The following GRB14 variants were observed in gnomAD, a reference collection of about 807,000 sequenced individuals.
GRB14 encodes growth factor receptor-bound protein 14.
GRB14 carries 38 observed loss-of-function variants against 69.1 expected under a neutral mutation model. That is an observed-to-expected ratio of 0.55 (90% CI 0.42 to 0.72). The LOEUF is 0.72. Among genes scored for constraint, GRB14 ranks in the 30% least tolerant of loss-of-function variants. The pLI is 0.00. For synonymous variants in GRB14, 247 were observed against 241.3 expected, an observed-to-expected ratio of 1.02 and a Z score of -0.22; for missense variants, 666 against 666.1, an observed-to-expected ratio of 1.00 and a Z score of 0.00.
In GRB14 at chr2:164,497,365, T is replaced by C. The variant is rs776021026; in HGVS notation, c.1221+9A>G. ...ATAAATATTTTGAAGCATGTGAAGC[T>C]ACTTGTACCCTCCAAGCGAGTCCTT... On this transcript the variant is annotated intron_variant, in intron 10 of 13. Transcript: ENST00000263915. The C allele has an allele frequency of 1.2e-6, 2 of 1,607,480 alleles. No homozygotes were observed. The highest frequency in any genetic ancestry group is 2.2e-5 in the South Asian group (2 of 90,566).
intron 2 of GRB14, among the ~76,000 whole-genome samples, chr2:164,585,825 T>A (rs1238293516): frequency 1.3e-5 from 2 of 152,172 alleles, no homozygotes; most frequent in African/African-American, 4.8e-5. Flanking sequence ...CAGCTCTTTT[T>A]AAAAACAAAA....
At chr2:164,610,385 TA>T (rs1231777874) in intron 2 of GRB14, among the ~76,000 whole-genome samples, 1 of 152,040 alleles carries the variant, frequency 6.6e-6, no homozygotes, top group Non-Finnish European at 1.5e-5. Flanking sequence ...TTATACTATA[TA>T]AAAAATAATG....
intron 2 of GRB14, among the ~76,000 whole-genome samples, chr2:164,567,870 G>A (rs1233041589): frequency 6.6e-6 from 1 of 152,080 alleles, no homozygotes; most frequent in Non-Finnish European, 1.5e-5. Context: ...TGTTTAAACA[G>A]TAAAATAATT....
intron 13 of GRB14, 64 bp from the exon 14 acceptor site, chr2:164,493,246 G>A (rs954151915): frequency 3.1e-5 from 45 of 1,457,346 alleles, no homozygotes; most frequent in African/African-American, 5.7e-5. Context: ...AATCATATTC[G>A]ATTGCAAACT....
intron 2 of GRB14, chr2:164,574,157 T>C (rs1230900986): frequency 8.0e-6 from 5 of 628,766 alleles, no homozygotes; most frequent in African/African-American, 1.8e-5. Context: ...GTCTTTACAG[T>C]TGATGAGCTG....
At chr2:164,503,572 A>G (rs1284202154) in intron 8 of GRB14, among the ~76,000 whole-genome samples, 1 of 151,474 alleles carries the variant, frequency 6.6e-6, no homozygotes, top group East Asian at 2.0e-4. Flanking sequence ...TTGACTTCTT[A>G]TCCAATTATT....
At position 164,619,703 on chromosome 2, in the gene GRB14, T is replaced by A. The variant is rs555942604; in HGVS notation, c.308A>T (p.Asn103Ile). 8 of 1,578,272 alleles carry A rather than the reference T, an allele frequency of 5.1e-6. No individual in the cohort carries two copies. In the African/African-American group the frequency reaches 1.1e-4, roughly 22 times the overall value. Residue 103 changes from asparagine (N) to isoleucine (I), a missense_variant, in exon 2 of 14, where the codon AAT (asparagine) becomes ATT (isoleucine). Transcript: ENST00000263915. ...AATGCATACCTGTTTTTTCCTTGAA[T>A]TTGCTTTGGGAAATAGGTCTGCTGA... ...VLSADLFPKA[N>I]SRKKQVIKVY...
chr2:164,533,456 G>A (rs573373802), intron 3 of GRB14, among the ~76,000 whole-genome samples: 1 of 151,872 alleles, frequency 6.6e-6, no homozygotes, highest in East Asian at 1.9e-4. Context: ...TCTTGACCTC[G>A]TGATCCGCCC....
At chr2:164,514,063 G>A (rs923752088) in intron 6 of GRB14, among the ~76,000 whole-genome samples, 13 of 152,142 alleles carry the variant, frequency 8.5e-5, no homozygotes, top group African/African-American at 3.1e-4. Context: ...CCATTATATA[G>A]GTAAACATAT....
chr2:164,621,279 C>T lies in GRB14; in HGVS notation c.31G>A (p.Ala11Thr). 7.8e-7 allele frequency: 1 copy of T among 1,284,906 alleles called. No individual in the cohort carries two copies. The highest frequency in any genetic ancestry group is 3.4e-5 in the South Asian group (1 of 29,844). The allele number at this position is 1,284,906 out of a possible 1,614,324, so 79.6% of individuals were successfully genotyped here. The change falls in exon 1 of 14, where the codon GCC (alanine) becomes ACC (threonine). Residue 11 changes from alanine to threonine, a missense_variant. Coordinates refer to ENST00000263915, the MANE Select transcript of GRB14 (RefSeq NM_004490.3). The surrounding 1 kb of genome is among the most constrained non-coding windows in gnomAD (Gnocchi z 6.0). MTTSLQDGQS[A>T]ASRAAARDSP... The stretch of plus-strand genomic sequence containing the variant: ...TCCCGGGCAGCCGCCCTGCTCGCGG[C>T]GCTCTGCCCATCTTGCAGGGAAGTG...
At chr2:164,505,635 TTTTATA>T (rs1185918666) in intron 8 of GRB14, among the ~76,000 whole-genome samples, 3 of 152,192 alleles carry the variant, frequency 2.0e-5, no homozygotes, top group Admixed American at 6.5e-5. Flanking sequence ...ATATATTTTA[TTTTATA>T]TTTATGTGTG....
intron 3 of GRB14, among the ~76,000 whole-genome samples, chr2:164,541,468 G>A (rs540632185): frequency 8.2e-4 from 124 of 151,308 alleles, no homozygotes; most frequent in African/African-American, 2.4e-3. Context: ...GTGAAACTCC[G>A]TCTCCAAAAA....
intron 2 of GRB14, chr2:164,573,866 A>G: frequency 6.2e-7 from 1 of 1,613,076 alleles, no homozygotes; most frequent in African/African-American, 1.3e-5. Context: ...TTTGATTAGA[A>G]ATGCAAGACT....
At chr2:164,503,603 T>A (rs781750440) in intron 8 of GRB14, among the ~76,000 whole-genome samples, 3 of 152,216 alleles carry the variant, frequency 2.0e-5, no homozygotes, top group Non-Finnish European at 4.4e-5. Flanking sequence ...TAAAAATTAT[T>A]TTTTAATTTA....
intron 3 of GRB14, among the ~76,000 whole-genome samples, chr2:164,534,692 A>T (rs1432882574): frequency 1.3e-5 from 2 of 152,160 alleles, no homozygotes; most frequent in Non-Finnish European, 2.9e-5. Flanking sequence ...GCAAATTTTA[A>T]CCAAGTAAGT....
intron 2 of GRB14, among the ~76,000 whole-genome samples, chr2:164,551,422 T>G (rs1688534928): frequency 6.6e-6 from 1 of 152,120 alleles, no homozygotes; most frequent in African/African-American, 2.4e-5. Context: ...GACTGAATGT[T>G]TGTACCCTCC....
At chr2:164,562,867 G>C (rs1688868946) in intron 2 of GRB14, among the ~76,000 whole-genome samples, 1 of 152,114 alleles carries the variant, frequency 6.6e-6, no homozygotes, top group African/African-American at 2.4e-5. Flanking sequence ...CATATAATCT[G>C]CTACAACACA....
intron 2 of GRB14, among the ~76,000 whole-genome samples, chr2:164,586,162 T>C (rs1689533928): frequency 6.6e-6 from 1 of 152,170 alleles, no homozygotes; most frequent in Admixed American, 6.5e-5. Context: ...CCGGTATAAA[T>C]GGGAGGAAGT....
At chr2:164,536,573 T>G (rs1688084943) in intron 3 of GRB14, among the ~76,000 whole-genome samples, 1 of 152,340 alleles carries the variant, frequency 6.6e-6, no homozygotes, top group African/African-American at 2.4e-5. Flanking sequence ...TCTCTTGCTC[T>G]ATATGAGTGT....
Sources: allele counts gnomAD v4.1 joint callset (sites outside exome capture counted in the v4.1 genomes callset), GRCh38; gene constraint gnomAD v4.1.1; non-coding constraint Gnocchi (gnomAD v3.1); transcripts MANE v1.5; gene names NCBI Gene and HGNC (gene_info 2026-07-23, HGNC 2026-07-21).